The following RTN3 variants were observed in gnomAD, a reference collection of about 807,000 sequenced individuals.
The protein encoded by RTN3 is reticulon-3.
In RTN3, 49 loss-of-function variants were observed where a neutral mutation model predicts 77.8. The ratio of observed to expected loss-of-function variants is 0.63; its 90% CI spans 0.50 to 0.80. RTN3 has a LOEUF of 0.80. RTN3 is among the 30% of genes least tolerant of loss of function. The pLI, the probability that RTN3 is intolerant of heterozygous loss-of-function variation, is 0.00. For synonymous variants in RTN3, 464 were observed against 446.9 expected, an observed-to-expected ratio of 1.04 and a Z score of -0.48; for missense variants, 1,236 against 1,211.9, an observed-to-expected ratio of 1.02 and a Z score of -0.29.
chr11:63,720,489 G>A lies in RTN3; in HGVS notation c.1987G>A (p.Asp663Asn). Residue 663 changes from aspartate (D) to asparagine (N), a missense_variant, in exon 3 of 9, where the codon GAT becomes AAT. Physicochemically the swap from Asp to Asn is conservative, Grantham distance 23. Coordinates refer to ENST00000377819, the MANE Select transcript of RTN3 (RefSeq NM_001265589.2). ...DLIAAFTETR[D>N]KGIVDSERNA... Reference sequence around the variant, plus strand: ...GATAGCAGCCTTTACAGAAACCAGAGATAAAGGAATAGTAGATAGTGAAAG... The same window carrying A: ...GATAGCAGCCTTTACAGAAACCAGAAATAAAGGAATAGTAGATAGTGAAAG... The A allele has an allele frequency of 6.2e-7, 1 of 1,613,378 alleles. No individual in the cohort carries two copies. Among genetic ancestry groups the A allele is most frequent in the Non-Finnish European group, 8.5e-7 (1 of 1,179,806 alleles).
intron 1 of RTN3, among the ~76,000 whole-genome samples, chr11:63,698,396 G>C (rs532985720): frequency 1.3e-5 from 2 of 152,288 alleles, no homozygotes; most frequent in East Asian, 3.9e-4. Flanking sequence ...AAAGTGCTGG[G>C]ATTACAGGCA....
intron 1 of RTN3, among the ~76,000 whole-genome samples, chr11:63,701,712 T>C (rs1215704779): frequency 2.0e-5 from 3 of 152,008 alleles, no homozygotes; most frequent in Non-Finnish European, 4.4e-5. Flanking sequence ...TTTGGGAGGC[T>C]GAGTGGGAGG....
At chr11:63,716,481 CTATT>C (rs1565317736) in intron 2 of RTN3, among the ~76,000 whole-genome samples, 2 of 152,204 alleles carry the variant, frequency 1.3e-5, no homozygotes, top group South Asian at 2.1e-4. Flanking sequence ...TTATTTGGGG[CTATT>C]TATTTAAGAC....
chr11:63,724,958 AGTTTT>A (rs1411454428), intron 3 of RTN3, among the ~76,000 whole-genome samples: 5 of 151,462 alleles, frequency 3.3e-5, no homozygotes, highest in African/African-American at 7.3e-5. Flanking sequence ...AAGTTGTTAA[AGTTTT>A]GTTTTTTTTT....
In RTN3 at chr11:63,720,080, C is replaced by T. The variant is rs140739177; in HGVS notation, c.1578C>T (p.Ser526=). The change falls in exon 3 of 9, where the codon TCC becomes TCT. Residue 526 remains serine (S), a synonymous_variant. Transcript: ENST00000377819. ...NNKIQAEKPV[S]IPSAVVKTGE... ...AAATTCAGGCTGAAAAACCTGTTTC[C>T]ATTCCAAGTGCTGTTGTAAAAACAG... 8.3e-5 allele frequency: 134 copies of T among 1,613,802 alleles called. No homozygotes were observed. The highest frequency in any genetic ancestry group is 2.5e-4 in the Admixed American group (15 of 59,964).
chr11:63,756,628 G>T (rs1590899501), intron 8 of RTN3, among the ~76,000 whole-genome samples: 1 of 152,196 alleles, frequency 6.6e-6, no homozygotes, highest in Non-Finnish European at 1.5e-5. Context: ...TGGAGACAGG[G>T]TCTTGCTTTG....
chr11:63,752,206 C>T (rs948983288), intron 4 of RTN3, among the ~76,000 whole-genome samples: 3 of 147,218 alleles, frequency 2.0e-5, no homozygotes, highest in Non-Finnish European at 4.5e-5. Context: ...TTTATGTGTT[C>T]TGGGCTCTTA....
In RTN3 at chr11:63,720,348, T is replaced by C; in HGVS notation, c.1846T>C (p.Ser616Pro). 1 of 1,614,044 alleles carries C rather than the reference T, an allele frequency of 6.2e-7. No homozygotes were observed. Among genetic ancestry groups the C allele is most frequent in the Non-Finnish European group, 8.5e-7 (1 of 1,179,980 alleles). Reference sequence around the variant, plus strand: ...GAACCCCAAACTTCCTTCAACAGTGTCTCCAAATGTTTTTAATGAGACAGA... The same window carrying C: ...GAACCCCAAACTTCCTTCAACAGTGCCTCCAAATGTTTTTAATGAGACAGA... ...TENPKLPSTV[S>P]PNVFNETEFS... Residue 616 changes from serine (S) to proline (P), a missense_variant, in exon 3 of 9, where the codon TCT becomes CCT. Ser to Pro is a moderately conservative substitution (Grantham distance 74). Coordinates refer to ENST00000377819, the MANE Select transcript of RTN3 (RefSeq NM_001265589.2).
At chr11:63,705,001 C>T in intron 2 of RTN3, 94 bp downstream of exon 2, 1 of 902,342 alleles carries the variant, frequency 1.1e-6, no homozygotes, top group Non-Finnish European at 1.8e-6. Flanking sequence ...TTCTATTGCC[C>T]CAAATCCCCT....
chr11:63,702,670 G>T (rs1394311697), intron 1 of RTN3, among the ~76,000 whole-genome samples: 1 of 142,630 alleles, frequency 7.0e-6, no homozygotes, highest in Non-Finnish European at 1.5e-5. Context: ...ACTGCACTTT[G>T]TTTTTGTTTT....
chr11:63,701,838 G>A (rs1026990441), intron 1 of RTN3, among the ~76,000 whole-genome samples: 2 of 152,046 alleles, frequency 1.3e-5, no homozygotes, highest in African/African-American at 4.8e-5. Context: ...AGTGCTACTC[G>A]GGAGGCTGAG....
chr11:63,749,969 A>G, intron 3 of RTN3, 22 bp from the exon 4 acceptor site: 2 of 1,579,528 alleles, frequency 1.3e-6, no homozygotes, highest in Non-Finnish European at 1.7e-6. Flanking sequence ...CTTATAACTT[A>G]TATTCCCTTT....
Position 63,752,565 on chromosome 11 carries a change from G to T in RTN3, c.2797G>T (p.Ala933Ser). Reference sequence around the variant, plus strand: ...AGAAGCTTTCCATAATTACATGAATGCTGCCATGGTGCACATCAACAGGGC... The same window carrying T: ...AGAAGCTTTCCATAATTACATGAATTCTGCCATGGTGCACATCAACAGGGC... ...SSEAFHNYMN[A>S]AMVHINRALK... Residue 933 changes from alanine (A) to serine (S), a missense_variant, in exon 5 of 9, where the codon GCT (alanine) becomes TCT (serine). Transcript: ENST00000377819. 6.2e-7 allele frequency: 1 copy of T among 1,612,850 alleles called. No individual in the cohort carries two copies.
intron 1 of RTN3, among the ~76,000 whole-genome samples, chr11:63,700,143 G>T (rs1167382878): frequency 6.6e-6 from 1 of 152,114 alleles, no homozygotes; most frequent in Non-Finnish European, 1.5e-5. Flanking sequence ...CTCTTCTTTG[G>T]CATTGGGCTT....
chr11:63,738,418 T>C (rs1045209218), intron 3 of RTN3, among the ~76,000 whole-genome samples: 3 of 152,118 alleles, frequency 2.0e-5, no homozygotes, highest in Admixed American at 6.6e-5. Context: ...GGAGGGCAGA[T>C]TGCTTGAGCC....
At chr11:63,748,911 G>T (rs945499162) in intron 3 of RTN3, among the ~76,000 whole-genome samples, 1 of 151,120 alleles carries the variant, frequency 6.6e-6, no homozygotes, top group Admixed American at 6.6e-5. Flanking sequence ...CAGGTGATCC[G>T]CCCGCCTTGG....
chr11:63,750,898 A>AT (rs1413871406), intron 4 of RTN3, among the ~76,000 whole-genome samples: 1 of 151,356 alleles, frequency 6.6e-6, no homozygotes, highest in Non-Finnish European at 1.5e-5. Context: ...CGCCCGGCTA[A>AT]TTTTTTTGTA....
chr11:63,698,299 A>AT (rs34089858), intron 1 of RTN3, among the ~76,000 whole-genome samples: 6 of 151,688 alleles, frequency 4.0e-5, no homozygotes, highest in Admixed American at 1.3e-4. Flanking sequence ...TAATTTTTGT[A>AT]TTTTTTTGTA....
At chr11:63,710,696 A>C (rs936897575) in intron 2 of RTN3, among the ~76,000 whole-genome samples, 14 of 151,584 alleles carry the variant, frequency 9.2e-5, no homozygotes, top group African/African-American at 3.4e-4. Flanking sequence ...GCTCTCCAAC[A>C]CATACCAAAT....
Sources: gnomAD v4.1 joint callset for allele counts (sites outside exome capture counted in the v4.1 genomes callset) on GRCh38, gnomAD v4.1.1 for gene constraint, MANE v1.5 for transcripts, NCBI Gene and HGNC (gene_info 2026-07-23, HGNC 2026-07-21) for gene names.